The following SORBS2 variants were observed in gnomAD, a reference collection of about 807,000 sequenced individuals.
SORBS2 encodes sorbin and SH3 domain-containing protein 2.
In SORBS2, 46 loss-of-function variants were observed where a neutral mutation model predicts 97.7. The observed-to-expected ratio is 0.47, with a 90% CI of 0.37 to 0.60. The LOEUF (loss-of-function observed/expected upper bound fraction) is 0.60. SORBS2 is among the 20% of genes least tolerant of loss of function. The probability of loss-of-function intolerance (pLI) is 0.00; values close to 1 mark genes in which losing one functional copy is unlikely to be tolerated. For synonymous variants in SORBS2, 476 were observed against 473.4 expected (o/e 1.01, Z -0.07); for missense variants, 1,316 against 1,282.3 (o/e 1.03, Z -0.40).
intron 1 of SORBS2, among the ~76,000 whole-genome samples, chr4:185,939,817 A>G (rs185963032): frequency 1.3e-3 from 194 of 152,186 alleles, no homozygotes; most frequent in Middle Eastern, 3.4e-3. Context: ...GCCTGTCTCA[A>G]CTTTCTTAAC....
chr4:185,710,647 T>C (rs1335311703), intron 2 of SORBS2, among the ~76,000 whole-genome samples: 1 of 152,236 alleles, frequency 6.6e-6, no homozygotes, highest in Non-Finnish European at 1.5e-5. Context: ...TTGCCTTTGT[T>C]CTCTGTGTGA....
intron 1 of SORBS2, among the ~76,000 whole-genome samples, chr4:185,816,223 C>A (rs2099193189): frequency 6.6e-6 from 1 of 152,016 alleles, no homozygotes; most frequent in African/African-American, 2.4e-5. Flanking sequence ...TCAACAAAAT[C>A]ATCACTGCTT....
chr4:185,609,558 G>A (rs990963353), intron 12 of SORBS2, among the ~76,000 whole-genome samples: 3 of 152,184 alleles, frequency 2.0e-5, no homozygotes, highest in Admixed American at 6.5e-5. Flanking sequence ...GGTATAACTA[G>A]ATCACAAACC....
At chr4:185,616,469 A>G (rs544382170) in intron 9 of SORBS2, among the ~76,000 whole-genome samples, 4 of 152,358 alleles carry the variant, frequency 2.6e-5, no homozygotes, top group South Asian at 2.1e-4. Flanking sequence ...AAAGCAAAGC[A>G]AGATATTTAA....
intron 2 of SORBS2, among the ~76,000 whole-genome samples, chr4:185,695,532 AAACATG>A: frequency 6.6e-6 from 1 of 151,664 alleles, no homozygotes; most frequent in African/African-American, 2.4e-5. Context: ...GATGTATTTT[AAACATG>A]AACATAAAAA....
intron 4 of SORBS2, chr4:185,665,953 T>C (rs1190373751): frequency 4.8e-6 from 6 of 1,243,242 alleles, no homozygotes; most frequent in African/African-American, 1.5e-5. Flanking sequence ...GATGAGGCTT[T>C]CTGGAGCTGG....
intron 1 of SORBS2, among the ~76,000 whole-genome samples, chr4:185,875,104 C>T (rs138907743): frequency 2.0e-4 from 31 of 151,926 alleles, no homozygotes; most frequent in African/African-American, 6.8e-4. Flanking sequence ...ATAGAACATC[C>T]AAATCTGAGG....
chr4:185,595,297 C>A (rs2096059099), intron 12 of SORBS2, among the ~76,000 whole-genome samples: 1 of 152,052 alleles, frequency 6.6e-6, no homozygotes. Context: ...TTACTGCACA[C>A]AATTATGACT....
At chr4:185,849,327 G>C (rs575179761) in intron 1 of SORBS2, among the ~76,000 whole-genome samples, 5 of 152,210 alleles carry the variant, frequency 3.3e-5, no homozygotes, top group Non-Finnish European at 7.4e-5. Flanking sequence ...ACACTGCAAG[G>C]CTCAGCCCAT....
At chr4:185,619,647 G>C (rs1561449967) in intron 8 of SORBS2, among the ~76,000 whole-genome samples, 1 of 152,206 alleles carries the variant, frequency 6.6e-6, no homozygotes, top group Non-Finnish European at 1.5e-5. Context: ...AAGGAAGCCA[G>C]CAAAAATGAT....
chr4:185,759,779 G>A (rs2098857904), intron 2 of SORBS2, among the ~76,000 whole-genome samples: 3 of 152,184 alleles, frequency 2.0e-5, no homozygotes, highest in Non-Finnish European at 4.4e-5. Flanking sequence ...TCTATTGCCT[G>A]TAACAGGGTT....
chr4:185,615,118 C>A, exon 10 of SORBS2: 1 of 1,613,686 alleles, frequency 6.2e-7, no homozygotes, highest in Non-Finnish European at 8.5e-7. Flanking sequence ...ATCAATTTTC[C>A]TGAGGATGTA....
intron 1 of SORBS2, among the ~76,000 whole-genome samples, chr4:185,863,212 T>C (rs958613688): frequency 6.6e-6 from 1 of 152,214 alleles, no homozygotes; most frequent in Non-Finnish European, 1.5e-5. Flanking sequence ...ATAGGAATGA[T>C]GGGATCTGCC....
chr4:185,791,317 G>A (rs1421280402), intron 1 of SORBS2, among the ~76,000 whole-genome samples: 1 of 152,140 alleles, frequency 6.6e-6, no homozygotes, highest in Non-Finnish European at 1.5e-5. Flanking sequence ...TGTTTTGTTT[G>A]TACAGACTCA....
intron 1 of SORBS2, among the ~76,000 whole-genome samples, chr4:185,894,781 A>T (rs1021003285): frequency 4.6e-5 from 7 of 152,236 alleles, no homozygotes; most frequent in Non-Finnish European, 1.0e-4. Context: ...ATCCCAGATG[A>T]TGCAACCCAC....
Position 185,684,722 on chromosome 4 carries a change from G to A in SORBS2, c.-197-5900C>T. 1.4e-6 allele frequency: 2 copies of A among 1,434,104 alleles called. No homozygotes were observed. Among genetic ancestry groups the A allele is most frequent in the Non-Finnish European group, 1.9e-6 (2 of 1,040,776 alleles). The allele number at this position is 1,434,104 out of a possible 1,614,324, so 88.8% of individuals were successfully genotyped here. A position where few individuals can be genotyped will look rare whatever the true frequency, so the allele number is the denominator to read the frequency against. ...GTCAGAAGAGCTAGAAGCCATTCAA[G>A]TGCGACATTGTGTGAGTTAGTGATA... On this transcript the variant is annotated intron_variant, in intron 2 of 20. Coordinates refer to the SORBS2 transcript ENST00000284776. The surrounding 1 kb of genome is among the most constrained non-coding windows in gnomAD (Gnocchi z 4.2).
intron 1 of SORBS2, among the ~76,000 whole-genome samples, chr4:185,908,323 TTG>T (rs2099252762): frequency 9.6e-6 from 1 of 103,680 alleles, no homozygotes; most frequent in South Asian, 3.0e-4. Context: ...ATATATATAT[TTG>T]TATACACACA....
chr4:185,834,034 C>A (rs2099206590), intron 1 of SORBS2, among the ~76,000 whole-genome samples: 1 of 152,092 alleles, frequency 6.6e-6, no homozygotes, highest in South Asian at 2.1e-4. Context: ...TAATAGATAT[C>A]CAGATGATAA....
At chr4:185,779,883 C>T (rs1025207241) in intron 1 of SORBS2, among the ~76,000 whole-genome samples, 3 of 151,918 alleles carry the variant, frequency 2.0e-5, no homozygotes, top group African/African-American at 7.3e-5. Flanking sequence ...CATATTGAAA[C>T]AGCAGTCAGA....
Sources: gnomAD v4.1 joint callset for allele counts (sites outside exome capture counted in the v4.1 genomes callset) on GRCh38, gnomAD v4.1.1 for gene constraint, Gnocchi (gnomAD v3.1) non-coding constraint, MANE v1.5 for transcripts, NCBI Gene and HGNC (gene_info 2026-07-23, HGNC 2026-07-21) for gene names.